The following HECTD4 variants were observed in gnomAD, a reference collection of about 807,000 sequenced individuals.
The protein encoded by HECTD4 is HECT domain E3 ubiquitin protein ligase 4.
HECTD4 carries 114 observed loss-of-function variants against 471.5 expected under a neutral mutation model. The observed-to-expected ratio is 0.24, with a 90% CI of 0.21 to 0.28. The LOEUF (loss-of-function observed/expected upper bound fraction) is 0.28. Among genes scored for constraint, HECTD4 ranks in the 10% least tolerant of loss-of-function variants. The pLI is 1.00. For missense variants in HECTD4, 3,866 were observed against 5,651.5 expected, an observed-to-expected ratio of 0.68 and a Z score of 10.13; for synonymous variants, 2,012 against 2,256.0, an observed-to-expected ratio of 0.89 and a Z score of 3.07.
intron 53 of HECTD4, 130 bp from the exon 54 acceptor site, chr12:112,203,902 C>T (rs565850434): frequency 6.0e-5 from 31 of 518,008 alleles, no homozygotes; most frequent in African/African-American, 4.7e-4. Context: ...AATAGCTCTA[C>T]GGGCTTTAAC....
In HECTD4 at chr12:112,250,260, G is replaced by A. The variant is rs138142579; in HGVS notation, c.3834C>T (p.Leu1278=). The A allele has an allele frequency of 2.5e-4, 408 of 1,613,930 alleles. 1 individual carries two copies. Among genetic ancestry groups the A allele is most frequent in the Non-Finnish European group, 3.0e-4 (353 of 1,179,840 alleles). ...DREFTYPSDV[L]VPPVGNYFDL... ...CAAAGTAGTTTCCAACAGGAGGCAC[G>A]AGGACATCAGAGGGGTAGGTGAATT... is the stretch of plus-strand genomic sequence containing the variant. The change falls in exon 25 of 76, where the codon CTC becomes CTT. Residue 1278 remains leucine (L), a synonymous_variant. Coordinates refer to ENST00000682272, the MANE Select transcript of HECTD4 (RefSeq NM_001388303.1).
intron 1 of HECTD4, among the ~76,000 whole-genome samples, chr12:112,340,301 C>A (rs941992693): frequency 1.3e-5 from 2 of 152,154 alleles, no homozygotes; most frequent in Admixed American, 1.3e-4. Context: ...ATTCCCAATG[C>A]AAGGTGTGAT....
intron 4 of HECTD4, among the ~76,000 whole-genome samples, chr12:112,312,175 C>G (rs891570731): frequency 1.3e-5 from 2 of 152,204 alleles, no homozygotes; most frequent in African/African-American, 4.8e-5. Context: ...AGACTCACTT[C>G]GTGGAGTTTT....
chr12:112,186,679 T>A (rs1401329918), intron 60 of HECTD4, among the ~76,000 whole-genome samples: 9 of 148,336 alleles, frequency 6.1e-5, no homozygotes, highest in South Asian at 4.3e-4. Flanking sequence ...TTTTTTTTTT[T>A]AAATTGAGAC....
chr12:112,177,515 G>C (rs2031497482), intron 64 of HECTD4, among the ~76,000 whole-genome samples: 1 of 152,088 alleles, frequency 6.6e-6, no homozygotes, highest in Non-Finnish European at 1.5e-5. Context: ...AAGTAGCTGG[G>C]ACTACAGGCA....
intron 9 of HECTD4, among the ~76,000 whole-genome samples, chr12:112,275,748 A>T (rs2034513148): frequency 6.6e-6 from 1 of 152,094 alleles, no homozygotes; most frequent in Non-Finnish European, 1.5e-5. Flanking sequence ...CTAGTAGCCC[A>T]GATCCGCATC....
intron 39 of HECTD4, 168 bp from the exon 40 acceptor site, chr12:112,230,990 CTG>C: frequency 1.6e-6 from 1 of 624,328 alleles, no homozygotes; most frequent in Non-Finnish European, 2.7e-6. Flanking sequence ...GAAGAAATCA[CTG>C]TGTCATATTC....
intron 3 of HECTD4, among the ~76,000 whole-genome samples, chr12:112,313,755 C>T (rs1379489591): frequency 2.6e-5 from 4 of 152,112 alleles, no homozygotes; most frequent in African/African-American, 9.7e-5. Context: ...TCCCAAAGTG[C>T]TGTGATCACA....
chr12:112,230,881 G>C, intron 39 of HECTD4, 59 bp from the exon 40 acceptor site: 1 of 1,527,284 alleles, frequency 6.5e-7, no homozygotes, highest in Non-Finnish European at 8.9e-7. Context: ...CTGCAGGGAA[G>C]TGGCTTTCAG....
In HECTD4 at chr12:112,228,245, T is replaced by G; in HGVS notation, c.6698A>C (p.His2233Pro). 6.3e-7 allele frequency: 1 copy of G among 1,599,768 alleles called. No individual in the cohort carries two copies. Among genetic ancestry groups the G allele is most frequent in the Non-Finnish European group, 8.5e-7 (1 of 1,175,444 alleles). ...CVPRSEALPL[H>P]KLSITEKVVQ... is the part of the protein sequence containing the mutation. ...TACCTTCTCAGTAATGGACAGTTTA[T>G]GAAGAGGCAATGCCTGATGGCGGTG... Residue 2233 changes from histidine (H) to proline (P), a missense_variant, in exon 43 of 76, where the codon CAT becomes CCT. By Grantham distance (77) the His-to-Pro change is moderately conservative. This residue lies in a region of HECTD4 where 617 missense variants were observed against 915.1 expected (regional missense o/e 0.67). Transcript: ENST00000682272. This position sits in a 1 kb window ranked among gnomAD's most constrained non-coding sequence, Gnocchi z 4.9.
intron 1 of HECTD4, among the ~76,000 whole-genome samples, chr12:112,374,984 A>G (rs1352572633): frequency 6.6e-6 from 1 of 152,226 alleles, no homozygotes; most frequent in East Asian, 1.9e-4. Context: ...ACATACATAT[A>G]CAAATGTGAA....
At chr12:112,352,165 A>G (rs1392855594) in intron 1 of HECTD4, among the ~76,000 whole-genome samples, 1 of 152,100 alleles carries the variant, frequency 6.6e-6, no homozygotes, top group East Asian at 1.9e-4. Context: ...TTTCAATTAG[A>G]TGAAGAAAAT....
At chr12:112,234,970 G>A in intron 37 of HECTD4, 107 bp downstream of exon 37, 1 of 975,384 alleles carries the variant, frequency 1.0e-6, no homozygotes, top group Non-Finnish European at 1.5e-6. Context: ...TGAAAGGGGT[G>A]TAAAGAGGGC....
chr12:112,314,629 C>G, intron 2 of HECTD4, 83 bp from the exon 3 acceptor site: 4 of 798,878 alleles, frequency 5.0e-6, no homozygotes, highest in Non-Finnish European at 6.2e-6. Context: ...TAATTAACCA[C>G]ATGGAAAAGT....
chr12:112,349,388 C>CAAAAAAAAAAAAAAAAAAAAAAA (rs60480485), intron 1 of HECTD4, among the ~76,000 whole-genome samples: 2 of 54,716 alleles, frequency 3.7e-5, no homozygotes, highest in East Asian at 5.2e-4. Flanking sequence ...ACTCTTGCTC[C>CAAAAAAAAAAAAAAAAAAAAAAA]AAAAAAAAAA....
rs953274103 is a variant in HECTD4 at position 112,173,297 on chromosome 12, C to A, written c.11595-436G>T. Among the ~76,000 whole-genome samples, 25 of 152,072 alleles carry A rather than the reference C, an allele frequency of 1.6e-4. No individual in the cohort carries two copies. Among genetic ancestry groups the A allele is most frequent in the Non-Finnish European group, 3.4e-4 (23 of 68,006 alleles). The stretch of plus-strand genomic sequence containing the variant: ...CCTTGAACTCCTGGACTCAAGCGAT[C>A]CTCCCACCTCAGCCTCCCCAGTAGC... On this transcript the variant is annotated intron_variant, in intron 66 of 75. Transcript: ENST00000682272. This position sits in a 1 kb window ranked among gnomAD's most constrained non-coding sequence, Gnocchi z 4.3.
chr12:112,256,861 G>GAA lies in HECTD4; in HGVS notation c.3129-345_3129-344dup, dbSNP rs60161988. ...ATCAATTCTCATTTAAAGGTACTCAGAAAAAAAAAAAAGATACTGTAAAGG... is the reference window on the plus strand; with the variant it reads ...ATCAATTCTCATTTAAAGGTACTCAGAAAAAAAAAAAAAAGATACTGTAAAGG... On this transcript the variant is annotated intron_variant, in intron 20 of 75. Transcript: ENST00000682272. 5.7e-5 allele frequency: 8 copies of GAA among 140,998 alleles called. No individual in the cohort carries two copies. In the East Asian group the frequency reaches 5.9e-4, roughly 10 times the overall value. The allele number at this position is 140,998 out of a possible 1,614,324, so 8.7% of individuals were successfully genotyped here.
chr12:112,164,930 CTTTTTTT>C (rs763630508), intron 72 of HECTD4, among the ~76,000 whole-genome samples: 1 of 127,334 alleles, frequency 7.9e-6, no homozygotes, highest in Non-Finnish European at 1.7e-5. Flanking sequence ...ACCGCTTTTT[CTTTTTTT>C]TTTTTTTGAG....
intron 47 of HECTD4, 87 bp from the exon 48 acceptor site, chr12:112,216,458 G>A (rs1231211727): frequency 2.3e-6 from 2 of 887,312 alleles, no homozygotes; most frequent in South Asian, 1.5e-5. Flanking sequence ...GTGAAGTGGA[G>A]GGGGGGTGGT....
Sources: gnomAD v4.1 joint callset for allele counts (sites outside exome capture counted in the v4.1 genomes callset) on GRCh38, gnomAD v4.1.1 for gene constraint, gnomAD v4.1.1 regional missense constraint, Gnocchi (gnomAD v3.1) non-coding constraint, MANE v1.5 for transcripts, NCBI Gene and HGNC (gene_info 2026-07-23, HGNC 2026-07-21) for gene names.